The following ATRNL1 variants were observed in gnomAD, a reference collection of about 807,000 sequenced individuals.
ATRNL1 encodes attractin-like protein 1.
A neutral mutation model predicts 182.7 loss-of-function variants in ATRNL1; 95 were observed. The observed-to-expected ratio is 0.52, with a 90% confidence interval of 0.44 to 0.62. ATRNL1 has a LOEUF of 0.62. Among genes scored for constraint, ATRNL1 ranks in the 20% least tolerant of loss-of-function variants. The pLI, the probability that ATRNL1 is intolerant of heterozygous loss-of-function variation, is 0.00. For synonymous variants in ATRNL1, 576 were observed against 568.3 expected (o/e 1.01, Z -0.19); for missense variants, 1,471 against 1,679.5 (o/e 0.88, Z 2.17).
At chr10:115,789,757 G>A (rs1949482571) in intron 27 of ATRNL1, among the ~76,000 whole-genome samples, 1 of 151,936 alleles carries the variant, frequency 6.6e-6, no homozygotes, top group South Asian at 2.1e-4. Context: ...CCTACGCCAG[G>A]GCAAAATGTC....
At position 115,647,583 on chromosome 10, in the gene ATRNL1, C is replaced by T. The variant is rs186000894; in HGVS notation, c.3796-79665C>T. Among the ~76,000 whole-genome samples the T allele has an allele frequency of 3.1e-3, 468 of 152,284 alleles. 2 individuals carry two copies. The highest frequency in any genetic ancestry group is 5.5e-3 in the Non-Finnish European group (371 of 68,018). Reference sequence around the variant, plus strand: ...GAGCATTTTTTCATGTGTCTGTTGGCTGCCTAAATGTCTTCTTTTGAGAAG... The same window carrying T: ...GAGCATTTTTTCATGTGTCTGTTGGTTGCCTAAATGTCTTCTTTTGAGAAG... On this transcript the variant is annotated intron_variant, in intron 26 of 28. Transcript: ENST00000355044.
chr10:115,884,153 A>C (rs1246060513), intron 28 of ATRNL1, among the ~76,000 whole-genome samples: 2 of 152,348 alleles, frequency 1.3e-5, no homozygotes, highest in Non-Finnish European at 2.9e-5. Flanking sequence ...TGATCATTCC[A>C]AAATGAATTT....
intron 18 of ATRNL1, among the ~76,000 whole-genome samples, chr10:115,327,034 C>T (rs1554933528): frequency 1.3e-5 from 2 of 151,768 alleles, no homozygotes; most frequent in African/African-American, 4.8e-5. Flanking sequence ...GCAAGGACTT[C>T]ATGTCTAAAA....
intron 24 of ATRNL1, among the ~76,000 whole-genome samples, chr10:115,505,787 C>T (rs1251522384): frequency 6.6e-6 from 1 of 151,882 alleles, no homozygotes; most frequent in Non-Finnish European, 1.5e-5. Context: ...ACACACACGT[C>T]TTGGATAATG....
chr10:115,221,888 G>A (rs1849481057), intron 9 of ATRNL1, among the ~76,000 whole-genome samples: 1 of 151,916 alleles, frequency 6.6e-6, no homozygotes, highest in Non-Finnish European at 1.5e-5. Flanking sequence ...TTTATTGAGT[G>A]AGATAACATC....
chr10:115,675,321 G>A (rs1051092903), intron 26 of ATRNL1, among the ~76,000 whole-genome samples: 23 of 152,138 alleles, frequency 1.5e-4, no homozygotes, highest in Admixed American at 5.2e-4. Context: ...ATGATTGTGC[G>A]ACTGCACACT....
chr10:115,113,624 G>C (rs782776294), intron 1 of ATRNL1, among the ~76,000 whole-genome samples: 1 of 151,932 alleles, frequency 6.6e-6, no homozygotes, highest in Non-Finnish European at 1.5e-5. Flanking sequence ...TCTGCCTGCT[G>C]CCATCCATGT....
chr10:115,123,444 C>T (rs1844828910), intron 3 of ATRNL1, among the ~76,000 whole-genome samples: 1 of 152,142 alleles, frequency 6.6e-6, no homozygotes, highest in South Asian at 2.1e-4. Flanking sequence ...TGTACTTCAT[C>T]TTGCTAAGAA....
At chr10:115,503,982 A>C (rs1157418582) in intron 24 of ATRNL1, among the ~76,000 whole-genome samples, 19 of 151,982 alleles carry the variant, frequency 1.3e-4, no homozygotes, top group African/African-American at 4.6e-4. Flanking sequence ...ATTAGACAAA[A>C]TTTGTTCACC....
At chr10:115,319,681 C>A (rs1367994513) in intron 18 of ATRNL1, among the ~76,000 whole-genome samples, 1 of 147,536 alleles carries the variant, frequency 6.8e-6, no homozygotes, top group Non-Finnish European at 1.5e-5. Context: ...GGTTTAAAGT[C>A]TGTTTGTCAG....
chr10:115,218,288 C>T (rs1849309162), intron 9 of ATRNL1, among the ~76,000 whole-genome samples: 1 of 151,992 alleles, frequency 6.6e-6, no homozygotes, highest in South Asian at 2.1e-4. Context: ...AAACTCTGCT[C>T]CACGAAGACA....
At chr10:115,673,159 T>A (rs1945752613) in intron 26 of ATRNL1, among the ~76,000 whole-genome samples, 1 of 152,090 alleles carries the variant, frequency 6.6e-6, no homozygotes, top group Non-Finnish European at 1.5e-5. Flanking sequence ...CAGCAGGTGT[T>A]TGAGATTGTC....
At chr10:115,727,046 C>T (rs1171575358) in intron 26 of ATRNL1, among the ~76,000 whole-genome samples, 5 of 151,880 alleles carry the variant, frequency 3.3e-5, no homozygotes, top group South Asian at 2.1e-4. Context: ...TTGTAGGCAC[C>T]GTACATTTAA....
chr10:115,171,263 A>T lies in ATRNL1; in HGVS notation c.1319A>T (p.Tyr440Phe). ...IIFGYSAIYG[Y>F]TSSIQEYHIS... ...TTTGGATATTCTGCAATATATGGTT[A>T]TACAAGCAGCATACAGGAATACCAT... Residue 440 changes from tyrosine (Y) to phenylalanine (F), a missense_variant, in exon 8 of 29, where the codon TAT becomes TTT. By Grantham distance (22) the Tyr-to-Phe change is conservative (BLOSUM62 3). Transcript: ENST00000355044. 1 of 1,606,844 alleles carries T rather than the reference A, an allele frequency of 6.2e-7. No homozygotes were observed. The highest frequency in any genetic ancestry group is 8.5e-7 in the Non-Finnish European group (1 of 1,174,878).
chr10:115,736,892 C>A (rs957257457), intron 27 of ATRNL1, among the ~76,000 whole-genome samples: 1 of 152,060 alleles, frequency 6.6e-6, no homozygotes, highest in Non-Finnish European at 1.5e-5. Context: ...CTCAGCCTCC[C>A]GAGTAGCTGG....
intron 21 of ATRNL1, among the ~76,000 whole-genome samples, chr10:115,454,000 G>A (rs1435692243): frequency 6.6e-6 from 1 of 151,994 alleles, no homozygotes; most frequent in Non-Finnish European, 1.5e-5. Context: ...CTGTTGATAA[G>A]CATTTCTTCT....
intron 24 of ATRNL1, among the ~76,000 whole-genome samples, chr10:115,515,030 A>C (rs1196009513): frequency 2.0e-5 from 3 of 151,818 alleles, no homozygotes. Context: ...ATGTACTCCA[A>C]CTGTTCCAGG....
chr10:115,236,387 C>T (rs1850181174), intron 9 of ATRNL1, among the ~76,000 whole-genome samples: 1 of 152,054 alleles, frequency 6.6e-6, no homozygotes, highest in Non-Finnish European at 1.5e-5. Flanking sequence ...TCATTTTTGC[C>T]TTCCCCTCTT....
In ATRNL1 at chr10:115,727,831, T is replaced by C. The variant is rs183048078; in HGVS notation, c.3903+476T>C. Among the ~76,000 whole-genome samples the C allele has an allele frequency of 2.0e-5, 3 of 152,282 alleles. No individual in the cohort carries two copies. In the East Asian group the frequency reaches 5.8e-4, roughly 29 times the overall value. ...TTCTCACATATAAAATGAATATTTT[T>C]ATTTGTGGTTAATTGCTGTATTATT... On this transcript the variant is annotated intron_variant, in intron 27 of 28. Coordinates refer to ENST00000355044, the MANE Select transcript of ATRNL1 (RefSeq NM_207303.4).
Sources: allele counts gnomAD v4.1 joint callset (sites outside exome capture counted in the v4.1 genomes callset), GRCh38; gene constraint gnomAD v4.1.1; transcripts MANE v1.5; gene names NCBI Gene and HGNC (gene_info 2026-07-23, HGNC 2026-07-21).